The following MED20 variants were observed in gnomAD, a reference collection of about 807,000 sequenced individuals.
MED20 encodes the protein mediator complex subunit 20.
In MED20, 19 loss-of-function variants were observed where a neutral mutation model predicts 19.7. The ratio of observed to expected loss-of-function variants is 0.96; its 90% CI spans 0.67 to 1.42. The LOEUF is 1.42. Among genes scored for constraint, MED20 ranks in the 40% most tolerant of loss-of-function variants. The pLI is 0.00. For synonymous variants in MED20, 105 were observed against 104.8 expected, an observed-to-expected ratio of 1.00 and a Z score of -0.01; for missense variants, 225 against 273.0, an observed-to-expected ratio of 0.82 and a Z score of 1.24.
intron 1 of MED20, among the ~76,000 whole-genome samples, chr6:41,920,586 C>A (rs1452577415): frequency 6.6e-6 from 1 of 152,044 alleles, no homozygotes; most frequent in Non-Finnish European, 1.5e-5. Context: ...ACCAGCGTGG[C>A]CAATATGGTG....
rs192990770 is a variant in MED20 at position 41,920,061 on chromosome 6, T to A, written c.14+944A>T. Among the ~76,000 whole-genome samples the A allele has an allele frequency of 3.4e-3, 523 of 152,336 alleles. 2 individuals carry two copies. The highest frequency in any genetic ancestry group is 8.5e-3 in the Admixed American group (130 of 15,292). On this transcript the variant is annotated intron_variant, in intron 1 of 3. Transcript: ENST00000265350. ...ATCTACTGAGATAAGAAAAAAATGT[T>A]CTGGGACCTGGCACCTTACAACTAA...
intron 2 of MED20, among the ~76,000 whole-genome samples, chr6:41,914,563 G>A (rs1489629844): frequency 6.6e-6 from 1 of 152,070 alleles, no homozygotes; most frequent in African/African-American, 2.4e-5. Flanking sequence ...ACTGTTCAAG[G>A]TTAAGTTACT....
intron 2 of MED20, among the ~76,000 whole-genome samples, chr6:41,916,096 A>G (rs1205272569): frequency 6.6e-6 from 1 of 151,662 alleles, no homozygotes; most frequent in Non-Finnish European, 1.5e-5. Flanking sequence ...AAAATTTAAA[A>G]TATTAGCCAG....
In MED20 at chr6:41,909,476, T is replaced by C. The variant is rs756770231; in HGVS notation, c.216A>G (p.Pro72=). The C allele has an allele frequency of 1.2e-6, 2 of 1,614,270 alleles. No homozygotes were observed. Among genetic ancestry groups the C allele is most frequent in the South Asian group, 1.1e-5 (1 of 91,088 alleles). ...TCTCAAAGAGGGCGAAACAGCTCAA[T>C]GGGTACTCTGAGTTGTGCATCACAT... The part of the protein sequence containing the change: ...LMYVMHNSEY[P]LSCFALFENG... Residue 72 remains proline, a synonymous_variant, in exon 3 of 4, where the codon CCA becomes CCG. Coordinates refer to ENST00000265350, the MANE Select transcript of MED20 (RefSeq NM_004275.5).
intron 3 of MED20, among the ~76,000 whole-genome samples, chr6:41,907,631 C>A (rs959536644): frequency 6.6e-6 from 1 of 151,958 alleles, no homozygotes; most frequent in Admixed American, 6.6e-5. Context: ...CTAAGAGACA[C>A]AACAAAGAGA....
At chr6:41,919,787 G>C (rs779167322) in intron 1 of MED20, among the ~76,000 whole-genome samples, 12 of 152,184 alleles carry the variant, frequency 7.9e-5, no homozygotes, top group South Asian at 4.1e-4. Flanking sequence ...AAAAGAAAGA[G>C]CAAGGGTTCC....
Position 41,916,822 on chromosome 6 carries a change from C to G in MED20, c.132G>C (p.Glu44Asp), listed in dbSNP as rs1418697912. 1.2e-6 allele frequency: 2 copies of G among 1,613,996 alleles called. No homozygotes were observed. Among genetic ancestry groups the G allele is most frequent in the Non-Finnish European group, 1.7e-6 (2 of 1,180,012 alleles). The change falls in exon 2 of 4, where the codon GAG becomes GAC. Residue 44 changes from glutamate (E) to aspartate (D), a missense_variant. Transcript: ENST00000265350. ...GGGTAGAGGCGGCCGTATGGTAAGT[C>G]TCACAGTCCACACAAAATGTTCCTT... Reference protein sequence around the residue: ...EKQGTFCVDCETYHTAASTLG... With the variant: ...EKQGTFCVDCDTYHTAASTLG...
At position 41,916,939 on chromosome 6, in the gene MED20, A is replaced by G. The variant is rs1775330147; in HGVS notation, c.15T>C (p.Cys5=). Reference sequence around the variant, plus strand: ...CCTCGGCCACAGGCATCTGGGACACACTGGAAAGGAGAGCACCAAATCGTC... The same window carrying G: ...CCTCGGCCACAGGCATCTGGGACACGCTGGAAAGGAGAGCACCAAATCGTC... The part of the protein sequence containing the change: MGVT[C]VSQMPVAEGK... Residue 5 remains cysteine, a splice_region_variant and synonymous_variant, in exon 2 of 4, where the codon TGT becomes TGC. Coordinates refer to ENST00000265350, the MANE Select transcript of MED20 (RefSeq NM_004275.5). The G allele has an allele frequency of 6.2e-7, 1 of 1,613,896 alleles. No individual in the cohort carries two copies. The highest frequency in any genetic ancestry group is 8.5e-7 in the Non-Finnish European group (1 of 1,179,954).
intron 1 of MED20, among the ~76,000 whole-genome samples, chr6:41,920,636 G>A (rs932153849): frequency 4.6e-5 from 7 of 152,102 alleles, no homozygotes; most frequent in Non-Finnish European, 7.4e-5. Flanking sequence ...GTAACCGGGC[G>A]TGGTGGCGGG....
intron 1 of MED20, among the ~76,000 whole-genome samples, chr6:41,918,510 G>GA (rs1031744505): frequency 1.1e-3 from 125 of 116,484 alleles, no homozygotes; most frequent in East Asian, 0.011. Flanking sequence ...ATCTCAAAAA[G>GA]AAAAAAAAAA....
intron 3 of MED20, 25 bp downstream of exon 3, chr6:41,909,244 G>A (rs1775128997): frequency 6.2e-7 from 1 of 1,607,274 alleles, no homozygotes; most frequent in Middle Eastern, 1.7e-4. Flanking sequence ...AGAACATCCT[G>A]CTCCTATTTT....
intron 1 of MED20, among the ~76,000 whole-genome samples, chr6:41,918,319 C>T (rs1775369063): frequency 6.6e-6 from 1 of 151,232 alleles, no homozygotes; most frequent in South Asian, 2.1e-4. Context: ...GCCTAGCCAA[C>T]ATGGTGAAAC....
intron 1 of MED20, 152 bp downstream of exon 1, chr6:41,920,853 C>A (rs1775444478): frequency 1.1e-6 from 1 of 946,626 alleles, no homozygotes; most frequent in South Asian, 2.4e-5. Flanking sequence ...GAAACAAGCC[C>A]GGGGAACCCG....
Position 41,919,942 on chromosome 6 carries a change from T to A in MED20, c.14+1063A>T, listed in dbSNP as rs996404884. Among the ~76,000 whole-genome samples the A allele has an allele frequency of 1.4e-4, 22 of 152,274 alleles. No homozygotes were observed. The East Asian group carries it at 1.5e-3, about 11-fold the overall frequency. Reference sequence around the variant, plus strand: ...GAACCTGGGCTACCAGGAGGAAAAGTATTTCCCCTACACATGCTTTTGTAT... The same window carrying A: ...GAACCTGGGCTACCAGGAGGAAAAGAATTTCCCCTACACATGCTTTTGTAT... On this transcript the variant is annotated intron_variant, in intron 1 of 3. Transcript: ENST00000265350.
chr6:41,916,258 TAAATA>T (rs58508326), intron 2 of MED20, among the ~76,000 whole-genome samples: 1,560 of 148,326 alleles, frequency 0.011, 18 homozygotes, highest in East Asian at 0.03. Context: ...CTCAAAAAAA[TAAATA>T]AAATAAAATA....
rs974704562 is a variant in MED20 at position 41,906,109 on chromosome 6, C to A, written c.*963G>T. On this transcript the variant is annotated 3_prime_UTR_variant, in exon 4 of 4. Transcript: ENST00000265350. ...TCTTTCATCTTGTAGTCACAGAATC[C>A]CTGAGTTTTAACTCAGCACATGACT... 6.6e-6 allele frequency: 1 copy of A among 152,172 alleles called. No individual in the cohort carries two copies. The highest frequency in any genetic ancestry group is 1.5e-5 in the Non-Finnish European group (1 of 68,036). 9.4% of individuals were successfully genotyped at this position (152,172 alleles called of 1,614,324 possible). A position where few individuals can be genotyped will look rare whatever the true frequency, so the allele number is the denominator to read the frequency against.
intron 3 of MED20, among the ~76,000 whole-genome samples, chr6:41,907,949 A>G (rs1472549929): frequency 1.3e-5 from 2 of 152,214 alleles, no homozygotes; most frequent in Middle Eastern, 3.2e-3. Flanking sequence ...GAGGATAAAC[A>G]GCGGGTCCTC....
At position 41,916,817 on chromosome 6, in the gene MED20, TAA is replaced by T; in HGVS notation, c.135_136del (p.Tyr46ProfsTer34). On this transcript the variant is annotated frameshift_variant, in exon 2 of 4. Coordinates refer to ENST00000265350, the MANE Select transcript of MED20 (RefSeq NM_004275.5). LOFTEE classifies it high-confidence loss of function. ...GCCAAGGGTAGAGGCGGCCGTATGG[TAA>T]GTCTCACAGTCCACACAAAATGTTC... 1 of 1,614,096 alleles carries T rather than the reference TAA, an allele frequency of 6.2e-7. No homozygotes were observed. The highest frequency in any genetic ancestry group is 8.5e-7 in the Non-Finnish European group (1 of 1,179,990).
chr6:41,919,953 C>T (rs1775417351), intron 1 of MED20, among the ~76,000 whole-genome samples: 1 of 152,200 alleles, frequency 6.6e-6, no homozygotes, highest in Non-Finnish European at 1.5e-5. Flanking sequence ...ATTTCCCCTA[C>T]ACATGCTTTT....
Sources: gnomAD v4.1 joint callset for allele counts (sites outside exome capture counted in the v4.1 genomes callset) on GRCh38, gnomAD v4.1.1 for gene constraint, MANE v1.5 for transcripts, NCBI Gene and HGNC (gene_info 2026-07-23, HGNC 2026-07-21) for gene names.